Variants in PTPN6 observed in about 807,000 individuals in gnomAD.
The protein encoded by PTPN6 is tyrosine-protein phosphatase non-receptor type 6.
A neutral mutation model predicts 81.5 loss-of-function variants in PTPN6; 18 were observed. That is an observed-to-expected ratio of 0.22 (90% CI 0.15 to 0.33). PTPN6 has a LOEUF of 0.33. Ranked by LOEUF, PTPN6 falls within the 10% of genes least tolerant of loss-of-function variation. The pLI is 1.00. For synonymous variants in PTPN6, 301 were observed against 310.9 expected, an observed-to-expected ratio of 0.97 and a Z score of 0.33; for missense variants, 500 against 794.2, an observed-to-expected ratio of 0.63 and a Z score of 4.45.
In PTPN6 at chr12:6,952,616, G is replaced by A. The variant is rs1945947837; in HGVS notation, c.326+439G>A. 1 of 272,890 alleles carries A rather than the reference G, an allele frequency of 3.7e-6. No individual in the cohort carries two copies. Among genetic ancestry groups the A allele is most frequent in the African/African-American group, 2.2e-5 (1 of 45,516 alleles). The allele number at this position is 272,890 out of a possible 1,614,324, so 16.9% of individuals were successfully genotyped here. A position where few individuals can be genotyped will look rare whatever the true frequency, so the allele number is the denominator to read the frequency against. ...GAGCTGACACTGGGGTGAAGATGGGGATGAATGCTTGCCAAGACACTTGAT... is the reference window on the plus strand; with the variant it reads ...GAGCTGACACTGGGGTGAAGATGGGAATGAATGCTTGCCAAGACACTTGAT... On this transcript the variant is annotated intron_variant, in intron 3 of 15. Transcript: ENST00000318974. This position sits in a 1 kb window ranked among gnomAD's most constrained non-coding sequence, Gnocchi z 8.1.
Position 6,954,501 on chromosome 12 carries a change from C to G in PTPN6, c.327-304C>G, listed in dbSNP as rs1037738090. ...GGTCGAGGCTGCAGAGAGCTGTAAC[C>G]GCGCCACTGCACTCCAGCCTGGGCA... On this transcript the variant is annotated intron_variant, in intron 3 of 15. Transcript: ENST00000318974. The surrounding 1 kb of genome is among the most constrained non-coding windows in gnomAD (Gnocchi z 5.4). 6.6e-6 allele frequency among the ~76,000 whole-genome samples: 1 copy of G among 152,218 alleles called. No individual in the cohort carries two copies. Among genetic ancestry groups the G allele is most frequent in the African/African-American group, 2.4e-5 (1 of 41,428 alleles).
In PTPN6 at chr12:6,956,186, C is replaced by A; in HGVS notation, c.889C>A (p.Pro297Thr). ...CCTGCAGGGACGGGACAGTAACATC[C>A]CCGGGTCCGACTACATCAATGCCAA... ...VILQGRDSNIPGSDYINANYI... is the reference protein window; with the variant it reads ...VILQGRDSNITGSDYINANYI... The change falls in exon 8 of 16, where the codon CCC becomes ACC. Residue 297 changes from proline to threonine, a missense_variant. Coordinates refer to ENST00000318974, the MANE Select transcript of PTPN6 (RefSeq NM_002831.6). This position sits in a 1 kb window ranked among gnomAD's most constrained non-coding sequence, Gnocchi z 4.1. 6.2e-7 allele frequency: 1 copy of A among 1,614,200 alleles called. No individual in the cohort carries two copies. Among genetic ancestry groups the A allele is most frequent in the Non-Finnish European group, 8.5e-7 (1 of 1,180,028 alleles).
chr12:6,949,338 C>G (rs150387951), upstream of PTPN6, among the ~76,000 whole-genome samples: 787 of 152,310 alleles, frequency 5.2e-3, 2 homozygotes, highest in Non-Finnish European at 7.8e-3. Context: ...TTGCCCTGAC[C>G]CATGTTGCCT....
Position 6,956,664 on chromosome 12 carries a change from G to A in PTPN6, c.1074+96G>A. On this transcript the variant is annotated intron_variant, in intron 9 of 15. Coordinates refer to ENST00000318974, the MANE Select transcript of PTPN6 (RefSeq NM_002831.6). The surrounding 1 kb of genome is among the most constrained non-coding windows in gnomAD (Gnocchi z 4.1). ...GATGCCAGGGCAGAAAGGGATCTCA[G>A]GGGTGAGGGTCCGGCCCTTGTTGGG... 1 of 1,524,012 alleles carries A rather than the reference G, an allele frequency of 6.6e-7. No individual in the cohort carries two copies. Among genetic ancestry groups the A allele is most frequent in the Admixed American group, 1.7e-5 (1 of 57,902 alleles). 94.4% of individuals were successfully genotyped at this position (1,524,012 alleles called of 1,614,324 possible).
upstream of PTPN6, among the ~76,000 whole-genome samples, chr12:6,949,235 C>G (rs1945886531): frequency 6.6e-6 from 1 of 152,238 alleles, no homozygotes; most frequent in Non-Finnish European, 1.5e-5. Context: ...CCCTCTACAG[C>G]AGGGTCCCCA....
At chr12:6,948,506 A>C (rs1213214638), upstream of PTPN6, among the ~76,000 whole-genome samples, 1 of 151,702 alleles carries the variant, frequency 6.6e-6, no homozygotes, top group Non-Finnish European at 1.5e-5. Flanking sequence ...AGAAGGAAAA[A>C]AAGGAAAGAG....
At position 6,960,027 on chromosome 12, in the gene PTPN6, G is replaced by C; in HGVS notation, c.1429+33G>C. 2 of 1,611,888 alleles carry C rather than the reference G, an allele frequency of 1.2e-6. No homozygotes were observed. The highest frequency in any genetic ancestry group is 1.1e-5 in the South Asian group (1 of 91,048). ...GCACCTGGGGGTTTGGGGGTGGGGGGTGAGCAGCCCCTCGGTGTCCGCCTA... is the reference window on the plus strand; with the variant it reads ...GCACCTGGGGGTTTGGGGGTGGGGGCTGAGCAGCCCCTCGGTGTCCGCCTA... On this transcript the variant is annotated intron_variant, in intron 12 of 15. Transcript: ENST00000318974. This position sits in a 1 kb window ranked among gnomAD's most constrained non-coding sequence, Gnocchi z 6.1.
upstream of PTPN6, chr12:6,951,113 C>A: frequency 1.5e-6 from 1 of 668,378 alleles, no homozygotes; most frequent in Non-Finnish European, 2.0e-6. The surrounding 1 kb of genome is among the most constrained non-coding windows in gnomAD (Gnocchi z 7.2). Context: ...GAAGTATTAT[C>A]TGGGCCTGGA....
At chr12:6,948,485 GAAAA>G (rs1382548530), upstream of PTPN6, among the ~76,000 whole-genome samples, 2 of 119,454 alleles carry the variant, frequency 1.7e-5, no homozygotes, top group African/African-American at 3.1e-5. Flanking sequence ...AAGGAAGAAA[GAAAA>G]AGAGAAAGAA....
upstream of PTPN6, among the ~76,000 whole-genome samples, chr12:6,948,003 T>C (rs765159387): frequency 6.6e-6 from 1 of 151,942 alleles, no homozygotes; most frequent in Non-Finnish European, 1.5e-5. Context: ...AGTGAAAACC[T>C]GACGAGATGA....
Position 6,951,662 on chromosome 12 carries a change from G to A in PTPN6, c.62G>A (p.Arg21Gln). Residue 21 changes from arginine (R) to glutamine (Q), a missense_variant, in exon 2 of 16, where the codon CGA becomes CAA. Arg to Gln is a conservative substitution (Grantham distance 43). Coordinates refer to ENST00000318974, the MANE Select transcript of PTPN6 (RefSeq NM_002831.6). This position sits in a 1 kb window ranked among gnomAD's most constrained non-coding sequence, Gnocchi z 7.2. ...GLDAETLLKG[R>Q]GVHGSFLARP... ...GATGCAGAGACCCTGCTCAAGGGCC[G>A]AGGTGTCCACGGTAGCTTCCTGGCT... The A allele has an allele frequency of 6.2e-7, 1 of 1,613,786 alleles. No homozygotes were observed. Among genetic ancestry groups the A allele is most frequent in the Non-Finnish European group, 8.5e-7 (1 of 1,179,984 alleles).
At chr12:6,947,684 A>AG (rs1467215381), upstream of PTPN6, among the ~76,000 whole-genome samples, 14 of 151,550 alleles carry the variant, frequency 9.2e-5, no homozygotes, top group Non-Finnish European at 1.6e-4. Flanking sequence ...AAAAAAAAAA[A>AG]AAAGAAAATG....
In PTPN6 at chr12:6,952,264, C is replaced by T. The variant is rs1252068136; in HGVS notation, c.326+87C>T. The T allele has an allele frequency of 2.9e-5, 44 of 1,500,090 alleles. No homozygotes were observed. The highest frequency in any genetic ancestry group is 1.5e-4 in the Admixed American group (9 of 59,588). 92.9% of individuals were successfully genotyped at this position (1,500,090 alleles called of 1,614,324 possible). A position where few individuals can be genotyped will look rare whatever the true frequency, so the allele number is the denominator to read the frequency against. On this transcript the variant is annotated intron_variant, in intron 3 of 15. Transcript: ENST00000318974. This position sits in a 1 kb window ranked among gnomAD's most constrained non-coding sequence, Gnocchi z 8.1. ...CCAGGGAGGCAGGGAGACTGGCAGCCGGCGCTGCCTACCCTCCATCCCCTC... is the reference window on the plus strand; with the variant it reads ...CCAGGGAGGCAGGGAGACTGGCAGCTGGCGCTGCCTACCCTCCATCCCCTC...
chr12:6,947,031 C>T (rs1945834024), upstream of PTPN6, among the ~76,000 whole-genome samples: 3 of 152,220 alleles, frequency 2.0e-5, no homozygotes, highest in Admixed American at 1.3e-4. Context: ...TGCTTAGGAC[C>T]TGTCCCCCTG....
upstream of PTPN6, among the ~76,000 whole-genome samples, chr12:6,949,490 C>T (rs1039147614): frequency 3.3e-5 from 5 of 152,332 alleles, no homozygotes; most frequent in African/African-American, 1.2e-4. Context: ...GTTTTACCCA[C>T]CTTCCTACTC....
chr12:6,956,022 C>G lies in PTPN6; in HGVS notation c.845-120C>G. The G allele has an allele frequency of 9.7e-7, 1 of 1,026,630 alleles. No homozygotes were observed. The allele number at this position is 1,026,630 out of a possible 1,614,324, so 63.6% of individuals were successfully genotyped here. The stretch of plus-strand genomic sequence containing the variant: ...TCCCCCACCCCTGCTGCCCACAGTC[C>G]CCCGCAAGCCTCATGGCTTCTGAGA... On this transcript the variant is annotated intron_variant, in intron 7 of 15. Coordinates refer to ENST00000318974, the MANE Select transcript of PTPN6 (RefSeq NM_002831.6). This position sits in a 1 kb window ranked among gnomAD's most constrained non-coding sequence, Gnocchi z 4.1.
chr12:6,960,855 G>A lies in PTPN6; in HGVS notation c.1723G>A (p.Glu575Lys). ...ENLHTKNKRE[E>K]KVKKQRSADK... The stretch of plus-strand genomic sequence containing the variant: ...CCTGCACACTAAGAACAAGAGGGAG[G>A]AGAAAGTGAAGAAGCAGCGGTCAGC... Residue 575 changes from glutamate to lysine, a missense_variant, in exon 15 of 16, where the codon GAG becomes AAG. This residue lies in a region of PTPN6 where 56 missense variants were observed against 56.4 expected (regional missense o/e 0.99). Coordinates refer to ENST00000318974, the MANE Select transcript of PTPN6 (RefSeq NM_002831.6). The surrounding 1 kb of genome is among the most constrained non-coding windows in gnomAD (Gnocchi z 6.1). 6.3e-7 allele frequency: 1 copy of A among 1,581,670 alleles called. No individual in the cohort carries two copies. Among genetic ancestry groups the A allele is most frequent in the Non-Finnish European group, 8.6e-7 (1 of 1,163,168 alleles).
In PTPN6 at chr12:6,952,643, C is replaced by T; in HGVS notation, c.326+466C>T. On this transcript the variant is annotated intron_variant, in intron 3 of 15. Coordinates refer to ENST00000318974, the MANE Select transcript of PTPN6 (RefSeq NM_002831.6). The surrounding 1 kb of genome is among the most constrained non-coding windows in gnomAD (Gnocchi z 8.1). Reference sequence around the variant, plus strand: ...TGAATGCTTGCCAAGACACTTGATGCCTTGTCCCAGCCGCCCCGTGGGGAT... The same window carrying T: ...TGAATGCTTGCCAAGACACTTGATGTCTTGTCCCAGCCGCCCCGTGGGGAT... The T allele has an allele frequency of 3.9e-6, 1 of 259,252 alleles. No individual in the cohort carries two copies. The highest frequency in any genetic ancestry group is 5.0e-5 in the Admixed American group (1 of 19,926). 16.1% of individuals were successfully genotyped at this position (259,252 alleles called of 1,614,324 possible).
Position 6,955,004 on chromosome 12 carries a change from C to A in PTPN6, c.516+10C>A. 1 of 1,614,032 alleles carries A rather than the reference C, an allele frequency of 6.2e-7. No individual in the cohort carries two copies. Among genetic ancestry groups the A allele is most frequent in the Non-Finnish European group, 8.5e-7 (1 of 1,179,996 alleles). On this transcript the variant is annotated intron_variant, in intron 4 of 15. Transcript: ENST00000318974. This position sits in a 1 kb window ranked among gnomAD's most constrained non-coding sequence, Gnocchi z 7.2. Reference sequence around the variant, plus strand: ...CAAGGTCATGTGCGAGGTAAGGCAGCCAGGCGGCGGGGGAGCCTCTGCTGA... The same window carrying A: ...CAAGGTCATGTGCGAGGTAAGGCAGACAGGCGGCGGGGGAGCCTCTGCTGA...
Sources: allele counts gnomAD v4.1 joint callset (sites outside exome capture counted in the v4.1 genomes callset), GRCh38; gene constraint gnomAD v4.1.1; regional missense constraint gnomAD v4.1.1; non-coding constraint Gnocchi (gnomAD v3.1); transcripts MANE v1.5; gene names NCBI Gene and HGNC (gene_info 2026-07-23, HGNC 2026-07-21).